NUP210L: variants seen among roughly 807,000 people sequenced by gnomAD.
The protein encoded by NUP210L is nuclear pore membrane glycoprotein 210-like.
Under a neutral mutation model 208.5 loss-of-function variants are expected in NUP210L, and 74 were observed. That is an observed-to-expected ratio of 0.35 (90% CI 0.29 to 0.43). NUP210L has a LOEUF of 0.43. NUP210L is among the 20% of genes least tolerant of loss of function. The pLI is 1.00. For missense variants in NUP210L, 1,843 were observed against 2,289.4 expected (o/e 0.81, Z 3.98); for synonymous variants, 780 against 816.9 (o/e 0.95, Z 0.77).
chr1:154,121,466 T>C (rs954017117), intron 10 of NUP210L, among the ~76,000 whole-genome samples: 2 of 152,266 alleles, frequency 1.3e-5, no homozygotes, highest in East Asian at 3.9e-4. Flanking sequence ...GTAGTATACA[T>C]TGTCTTAGGA....
intron 16 of NUP210L, among the ~76,000 whole-genome samples, chr1:154,088,043 T>C (rs1196295991): frequency 1.3e-5 from 2 of 152,066 alleles, no homozygotes; most frequent in Non-Finnish European, 2.9e-5. Flanking sequence ...TTGAACACTT[T>C]AAAAGGGTGA....
At chr1:154,112,790 A>G (rs1231069098) in intron 12 of NUP210L, among the ~76,000 whole-genome samples, 1 of 147,926 alleles carries the variant, frequency 6.8e-6, no homozygotes, top group Non-Finnish European at 1.5e-5. Context: ...CAGGAGGCGG[A>G]GGTTGCAGTG....
chr1:154,103,617 A>G (rs1268200573), intron 13 of NUP210L, among the ~76,000 whole-genome samples: 7 of 142,018 alleles, frequency 4.9e-5, no homozygotes, highest in Non-Finnish European at 1.1e-4. Context: ...GCTTGCAGTG[A>G]GCCGAGATCG....
At chr1:154,103,479 T>C (rs1656578887) in intron 13 of NUP210L, among the ~76,000 whole-genome samples, 1 of 151,090 alleles carries the variant, frequency 6.6e-6, no homozygotes, top group Non-Finnish European at 1.5e-5. Flanking sequence ...GAGACCATCC[T>C]GGCTAACACG....
chr1:154,037,133 G>A (rs1421349166), intron 27 of NUP210L, among the ~76,000 whole-genome samples: 3 of 152,126 alleles, frequency 2.0e-5, no homozygotes, highest in African/African-American at 7.2e-5. Context: ...AATGAGCCAC[G>A]TGCTGAGTAG....
rs1358701270 is a variant in NUP210L, at chr1:154,136,806, G to A, written c.851-834C>T. 2.7e-5 allele frequency among the ~76,000 whole-genome samples: 4 copies of A among 149,834 alleles called. No homozygotes were observed. The East Asian group carries it at 8.0e-4, about 30-fold the overall frequency. ...GTAGTGGCGGGCTCCTGTAATCCCA[G>A]CTACTCGGGAGGCTGCGGCAGGAGA... On this transcript the variant is annotated intron_variant, in intron 6 of 39. Transcript: ENST00000368559.
intron 23 of NUP210L, among the ~76,000 whole-genome samples, chr1:154,056,034 G>A (rs1422364680): frequency 6.6e-6 from 1 of 152,116 alleles, no homozygotes; most frequent in Non-Finnish European, 1.5e-5. Context: ...ACTCCAGCCT[G>A]GGCAACAGAG....
At chr1:154,139,711 G>A in intron 5 of NUP210L, 91 bp downstream of exon 5, 2 of 898,202 alleles carry the variant, frequency 2.2e-6, no homozygotes, top group African/African-American at 1.7e-5. Flanking sequence ...AAACAGGGCG[G>A]GTAGTGCATT....
intron 12 of NUP210L, 89 bp downstream of exon 12, chr1:154,117,636 T>G: frequency 2.0e-6 from 2 of 980,212 alleles, no homozygotes; most frequent in Non-Finnish European, 3.0e-6. Context: ...TAAATAGCCA[T>G]GTTGGGCTCT....
chr1:154,008,224 C>T (rs1571160456), intron 35 of NUP210L, among the ~76,000 whole-genome samples: 1 of 152,204 alleles, frequency 6.6e-6, no homozygotes, highest in East Asian at 1.9e-4. Flanking sequence ...TGTGTCTACC[C>T]TGTAACTCAT....
intron 17 of NUP210L, among the ~76,000 whole-genome samples, chr1:154,063,180 T>A (rs762293374): frequency 3.9e-5 from 6 of 152,138 alleles, no homozygotes; most frequent in Non-Finnish European, 7.3e-5. Context: ...ATTATAGAAG[T>A]ACGTACAGAG....
intron 34 of NUP210L, among the ~76,000 whole-genome samples, chr1:154,011,709 G>A (rs1650935296): frequency 1.1e-5 from 1 of 94,630 alleles, no homozygotes; most frequent in African/African-American, 4.2e-5. Flanking sequence ...TTTTTTTTGA[G>A]ATGGAGTCTC....
intron 33 of NUP210L, among the ~76,000 whole-genome samples, chr1:154,017,078 C>A (rs1052916733): frequency 6.6e-6 from 1 of 152,046 alleles, no homozygotes. Flanking sequence ...GCCAGTAGTT[C>A]GAGACCAGCC....
intron 2 of NUP210L, 48 bp from the exon 3 acceptor site, chr1:154,143,625 C>A: frequency 6.6e-7 from 1 of 1,510,454 alleles, no homozygotes; most frequent in South Asian, 1.2e-5. Context: ...GGTCATGAAT[C>A]TATTAAATGT....
At chr1:153,999,185 A>C (rs113488805) in intron 37 of NUP210L, among the ~76,000 whole-genome samples, 103 of 152,342 alleles carry the variant, frequency 6.8e-4, no homozygotes, top group African/African-American at 1.9e-3. Context: ...TAGCTTAGAT[A>C]GTTCCCAGTA....
chr1:154,032,993 G>GAAAAGAAAA (rs769771404), intron 27 of NUP210L, among the ~76,000 whole-genome samples: 3 of 130,056 alleles, frequency 2.3e-5, no homozygotes, highest in Non-Finnish European at 3.4e-5. Flanking sequence ...GAAAAGAAAA[G>GAAAAGAAAA]AAAGAAAGAA....
chr1:154,021,912 G>A (rs1431976039), intron 32 of NUP210L, among the ~76,000 whole-genome samples: 1 of 152,072 alleles, frequency 6.6e-6, no homozygotes, highest in Non-Finnish European at 1.5e-5. Context: ...TCAGATTTTA[G>A]ATAATTTGGA....
At chr1:154,127,050 G>C (rs1416143485) in intron 9 of NUP210L, among the ~76,000 whole-genome samples, 1 of 149,970 alleles carries the variant, frequency 6.7e-6, no homozygotes, top group African/African-American at 2.5e-5. Context: ...AGGCTGCAGT[G>C]AGCTATGATC....
At chr1:154,049,875 C>T (rs1571213180) in intron 25 of NUP210L, among the ~76,000 whole-genome samples, 1 of 152,158 alleles carries the variant, frequency 6.6e-6, no homozygotes, top group Non-Finnish European at 1.5e-5. Flanking sequence ...CAGTAAACAA[C>T]CTGAAGCCTG....
Sources: gnomAD v4.1 joint callset for allele counts (sites outside exome capture counted in the v4.1 genomes callset) on GRCh38, gnomAD v4.1.1 for gene constraint, MANE v1.5 for transcripts, NCBI Gene and HGNC (gene_info 2026-07-23, HGNC 2026-07-21) for gene names.